SLC9D1: variants seen among roughly 807,000 people sequenced by gnomAD.
SLC9D1 encodes the protein putative LAG1-interacting protein.
the SLC9D1 span, among the ~76,000 whole-genome samples, chr13:113,546,887 G>A: frequency 1.3e-5 from 2 of 152,198 alleles, no homozygotes. This position sits in a 1 kb window ranked among gnomAD's most constrained non-coding sequence, Gnocchi z 7.1. Context: ...GGAAGGAAAG[G>A]AACATTGACC....
chr13:113,549,235 C>A, the SLC9D1 span, among the ~76,000 whole-genome samples: 1 of 151,434 alleles, frequency 6.6e-6, no homozygotes, highest in African/African-American at 2.4e-5. Flanking sequence ...TCGGCATGAC[C>A]GCGCTTAGCT....
the SLC9D1 span, among the ~76,000 whole-genome samples, chr13:113,545,379 A>T: frequency 6.6e-6 from 1 of 152,222 alleles, no homozygotes; most frequent in African/African-American, 2.4e-5. Context: ...CCCAGAGCCC[A>T]CATAGTTTCT....
chr13:113,516,352 G>T, the SLC9D1 span, among the ~76,000 whole-genome samples: 13 of 151,956 alleles, frequency 8.6e-5, no homozygotes, highest in African/African-American at 3.1e-4. Flanking sequence ...ATCACATCAG[G>T]TCAGGAGTTC....
the SLC9D1 span, among the ~76,000 whole-genome samples, chr13:113,493,431 A>G: frequency 2.6e-5 from 4 of 152,246 alleles, no homozygotes; most frequent in African/African-American, 9.6e-5. Context: ...TGATTTATTT[A>G]GCTCCGTTGG....
At chr13:113,549,764 C>T in the SLC9D1 span, 11 of 705,738 alleles carry the variant, frequency 1.6e-5, no homozygotes, top group African/African-American at 3.5e-5. Context: ...GCAGTAGACC[C>T]GGGACACTGC....
the SLC9D1 span, chr13:113,548,484 G>A: frequency 1.3e-5 from 20 of 1,585,164 alleles, no homozygotes; most frequent in African/African-American, 6.8e-5. Context: ...AGCGCTTCTC[G>A]GGCGGCACGG....
the SLC9D1 span, among the ~76,000 whole-genome samples, chr13:113,548,131 G>T: frequency 6.6e-6 from 1 of 152,188 alleles, no homozygotes; most frequent in Admixed American, 6.5e-5. Flanking sequence ...GAGGTTTTGC[G>T]TGTATTTGGT....
chr13:113,536,103 C>T, the SLC9D1 span, among the ~76,000 whole-genome samples: 2 of 152,174 alleles, frequency 1.3e-5, no homozygotes, highest in African/African-American at 2.4e-5. Context: ...TCCGGCTGGG[C>T]GCGGTGGCTC....
the SLC9D1 span, among the ~76,000 whole-genome samples, chr13:113,544,233 G>A: frequency 1.3e-5 from 2 of 152,248 alleles, no homozygotes; most frequent in East Asian, 3.9e-4. Context: ...CGAGGCTCGT[G>A]CCCGCTGGGT....
chr13:113,507,343 T>G, the SLC9D1 span, among the ~76,000 whole-genome samples: 1 of 152,158 alleles, frequency 6.6e-6, no homozygotes, highest in Admixed American at 6.5e-5. Flanking sequence ...TTTTTATTAC[T>G]CAGGTATAAA....
the SLC9D1 span, among the ~76,000 whole-genome samples, chr13:113,545,032 A>G: frequency 6.7e-6 from 1 of 149,830 alleles, no homozygotes; most frequent in Non-Finnish European, 1.5e-5. Context: ...TCCTCTTCTC[A>G]TGTTCCCCGC....
At chr13:113,508,216 C>T in the SLC9D1 span, among the ~76,000 whole-genome samples, 24 of 152,250 alleles carry the variant, frequency 1.6e-4, no homozygotes, top group Non-Finnish European at 2.5e-4. Context: ...AGAGTCTCGC[C>T]TGTTCTCTAT....
At chr13:113,544,722 C>G in the SLC9D1 span, among the ~76,000 whole-genome samples, 1 of 152,230 alleles carries the variant, frequency 6.6e-6, no homozygotes, top group African/African-American at 2.4e-5. Flanking sequence ...TCATCCGTGG[C>G]TCAGCCGCCA....
the SLC9D1 span, chr13:113,514,533 C>G: frequency 1.5e-5 from 2 of 131,230 alleles, no homozygotes; most frequent in Non-Finnish European, 3.1e-5. Context: ...CCGAGTCTTG[C>G]AACAGGAAGA....
the SLC9D1 span, chr13:113,495,967 T>TGAACATGAAGGA: frequency 6.2e-7 from 1 of 1,613,480 alleles, no homozygotes; most frequent in Non-Finnish European, 8.5e-7. Flanking sequence ...AAAGATGTCG[T>TGAACATGAAGGA]GAACATGAAG....
At chr13:113,504,896 T>G in the SLC9D1 span, 24 of 152,206 alleles carry the variant, frequency 1.6e-4, no homozygotes, top group African/African-American at 5.5e-4. Context: ...ACTGTTTTCC[T>G]TAGTGGTTGT....
chr13:113,521,433 G>A, the SLC9D1 span, among the ~76,000 whole-genome samples: 8 of 150,966 alleles, frequency 5.3e-5, no homozygotes, highest in African/African-American at 9.8e-5. Context: ...TGTGGTGTGC[G>A]TGTTTGTTCT....
chr13:113,526,093 G>A, the SLC9D1 span, among the ~76,000 whole-genome samples: 6 of 152,180 alleles, frequency 3.9e-5, no homozygotes, highest in East Asian at 1.9e-4. Flanking sequence ...GCTCTGTGCC[G>A]GTTATTCCAC....
At chr13:113,497,229 T>C in the SLC9D1 span, among the ~76,000 whole-genome samples, 1 of 152,030 alleles carries the variant, frequency 6.6e-6, no homozygotes. Flanking sequence ...TTTGGTGTGC[T>C]AGACTTGCAG....
Sources: allele counts gnomAD v4.1 joint callset (sites outside exome capture counted in the v4.1 genomes callset), GRCh38; gene constraint gnomAD v4.1.1; non-coding constraint Gnocchi (gnomAD v3.1); transcripts MANE v1.5; gene names NCBI Gene and HGNC (gene_info 2026-07-23, HGNC 2026-07-21).